FTCD: variants seen among roughly 807,000 people sequenced by gnomAD.
The protein encoded by FTCD is formimidoyltransferase-cyclodeaminase.
Under a neutral mutation model 62.9 loss-of-function variants are expected in FTCD, and 76 were observed. That is an observed-to-expected ratio of 1.21 (90% CI 1.00 to 1.46). The LOEUF (loss-of-function observed/expected upper bound fraction) is 1.46, where lower values mean the gene tolerates loss of function less well. Among genes scored for constraint, FTCD ranks in the 40% most tolerant of loss-of-function variants. FTCD has a pLI of 0.00. For synonymous variants in FTCD, 397 were observed against 336.9 expected, an observed-to-expected ratio of 1.18 and a Z score of -1.95; for missense variants, 845 against 751.3, an observed-to-expected ratio of 1.12 and a Z score of -1.46.
intron 1 of FTCD, among the ~76,000 whole-genome samples, chr21:46,154,559 A>G (rs1454857638): frequency 1.3e-5 from 2 of 152,202 alleles, no homozygotes; most frequent in African/African-American, 4.8e-5. Flanking sequence ...AGTCCCCACA[A>G]GGGGCTGCAG....
chr21:46,138,316 G>A (rs9653793), intron 12 of FTCD, among the ~76,000 whole-genome samples, 192 bp downstream of exon 12: 1,818 of 152,312 alleles, frequency 0.012, 50 homozygotes, highest in African/African-American at 0.041. Flanking sequence ...TGGTGCCGCC[G>A]TGAGCGAGAT....
chr21:46,151,792 C>T (rs1035646736), intron 4 of FTCD, 55 bp from the exon 5 acceptor site: 3 of 1,600,054 alleles, frequency 1.9e-6, no homozygotes, highest in Non-Finnish European at 2.6e-6. Context: ...GAACAGCCCC[C>T]CGGGGTCCCG....
chr21:46,138,743 G>T (rs1036750918), intron 11 of FTCD, 97 bp from the exon 12 acceptor site: 1 of 1,478,836 alleles, frequency 6.8e-7, no homozygotes, highest in Non-Finnish European at 9.4e-7. Context: ...TGCAGAAGCG[G>T]GCGATGGGAA....
intron 7 of FTCD, among the ~76,000 whole-genome samples, chr21:46,148,882 G>A (rs2079206825): frequency 6.6e-6 from 1 of 152,130 alleles, no homozygotes; most frequent in African/African-American, 2.4e-5. Context: ...ATTTGATTAT[G>A]GCCTGAGGAT....
At chr21:46,153,774 G>A (rs916121283) in intron 2 of FTCD, among the ~76,000 whole-genome samples, 4 of 152,168 alleles carry the variant, frequency 2.6e-5, no homozygotes, top group African/African-American at 9.7e-5. Context: ...CTGTTGACAG[G>A]TCAGCTTCCA....
At chr21:46,140,164 G>A (rs997560649) in intron 10 of FTCD, among the ~76,000 whole-genome samples, 9 of 151,778 alleles carry the variant, frequency 5.9e-5, no homozygotes, top group African/African-American at 1.9e-4. Flanking sequence ...AGCACTCCCC[G>A]TCCACCTTCA....
intron 2 of FTCD, 151 bp downstream of exon 2, chr21:46,153,998 A>G: frequency 2.5e-6 from 2 of 799,180 alleles, no homozygotes; most frequent in Non-Finnish European, 4.3e-6. Flanking sequence ...CCCACACTCC[A>G]GGGTCCTCCT....
At chr21:46,148,103 C>A (rs1254933593) in intron 7 of FTCD, among the ~76,000 whole-genome samples, 1 of 152,138 alleles carries the variant, frequency 6.6e-6, no homozygotes, top group South Asian at 2.1e-4. Flanking sequence ...TCTGGAATTT[C>A]AGTAATAAAC....
intron 2 of FTCD, among the ~76,000 whole-genome samples, 153 bp from the exon 3 acceptor site, chr21:46,153,188 G>T (rs1025369087): frequency 6.6e-6 from 1 of 152,142 alleles, no homozygotes; most frequent in African/African-American, 2.4e-5. Context: ...GGAGGAGGCC[G>T]GCCCTGGGCG....
chr21:46,140,730 T>C (rs1020156375), intron 10 of FTCD, among the ~76,000 whole-genome samples: 68 of 142,174 alleles, frequency 4.8e-4, no homozygotes, highest in Non-Finnish European at 7.4e-4. Flanking sequence ...GCCTTCACAT[T>C]GCTCACAGGG....
chr21:46,139,436 C>T (rs1267126905), intron 10 of FTCD, among the ~76,000 whole-genome samples: 1 of 151,694 alleles, frequency 6.6e-6, no homozygotes, highest in Non-Finnish European at 1.5e-5. Context: ...AGGCACTCGG[C>T]TCCTCGGACC....
rs1299958566 is a variant in FTCD, at chr21:46,145,359, C to A, written c.1260+58G>T. 4 of 1,442,220 alleles carry A rather than the reference C, an allele frequency of 2.8e-6. No individual in the cohort carries two copies. The Admixed American group carries it at 8.2e-5, about 30-fold the overall frequency. The allele number at this position is 1,442,220 out of a possible 1,614,324, so 89.3% of individuals were successfully genotyped here. On this transcript the variant is annotated intron_variant, in intron 10 of 13. Coordinates refer to ENST00000397746, the MANE Select transcript of FTCD (RefSeq NM_206965.2). ...GGCTGACCCGCTTCTCACTGGGGCCCCAGCTGGGGGTTCGCTGTTGGTGGG... is the reference window on the plus strand; with the variant it reads ...GGCTGACCCGCTTCTCACTGGGGCCACAGCTGGGGGTTCGCTGTTGGTGGG...
Position 46,154,189 on chromosome 21 carries a change from G to A in FTCD, c.198C>T (p.Ala66=), listed in dbSNP as rs1601356124. The A allele has an allele frequency of 6.2e-7, 1 of 1,612,856 alleles. No individual in the cohort carries two copies. The highest frequency in any genetic ancestry group is 1.1e-5 in the South Asian group (1 of 91,092). ...ECVVEGALNA[A]RVASRLIDMS... ...TGTCGATAAGTCGGGAAGCTACCCG[G>A]GCAGCGTTGAGGGCCCCCTCCACCA... Residue 66 remains alanine (A), a synonymous_variant, in exon 2 of 14, where the codon GCC becomes GCT. Coordinates refer to ENST00000397746, the MANE Select transcript of FTCD (RefSeq NM_206965.2).
chr21:46,142,834 G>C (rs2079051973), intron 10 of FTCD: 1 of 152,246 alleles, frequency 6.6e-6, no homozygotes, highest in Non-Finnish European at 1.5e-5. Context: ...CGTTTTTAAA[G>C]AGTGCTGATT....
At chr21:46,154,412 G>C (rs1308867582) in intron 1 of FTCD, 80 bp from the exon 2 acceptor site, 3 of 1,488,828 alleles carry the variant, frequency 2.0e-6, no homozygotes. Flanking sequence ...GCTGCACCCC[G>C]AGACACAAAT....
chr21:46,136,829 C>T lies in FTCD; in HGVS notation c.*158G>A. ...TCACATGGGACTAGGGGCCTTCTGT[C>T]CCTGCCAGCGCCTCCATTCCCAGGC... On this transcript the variant is annotated 3_prime_UTR_variant, in exon 14 of 14. Coordinates refer to ENST00000397746, the MANE Select transcript of FTCD (RefSeq NM_206965.2). 6.5e-7 allele frequency: 1 copy of T among 1,549,492 alleles called. No individual in the cohort carries two copies. Among genetic ancestry groups the T allele is most frequent in the South Asian group, 1.2e-5 (1 of 83,928 alleles).
intron 10 of FTCD, chr21:46,142,293 G>A (rs1031331875): frequency 6.6e-6 from 1 of 151,538 alleles, no homozygotes; most frequent in South Asian, 2.1e-4. Flanking sequence ...TACAGGTGGC[G>A]CGTCGGGAGC....
Position 46,151,931 on chromosome 21 carries a change from C to T in FTCD, c.417G>A (p.Pro139=), listed in dbSNP as rs61729391. The T allele has an allele frequency of 0.088, 138,530 of 1,571,930 alleles. 6,808 individuals carry two copies. The highest frequency in any genetic ancestry group is 0.17 in the South Asian group (15,034 of 86,252). The change falls in exon 4 of 14, where the codon CCG becomes CCA. Residue 139 remains proline, a synonymous_variant. Coordinates refer to ENST00000397746, the MANE Select transcript of FTCD (RefSeq NM_206965.2). ...CCTCGTACTCCCCGGCCCGGATGGC[C>T]GGCAGGGTCCGGCGACTGTCCATCC... The part of the protein sequence containing the change: ...AARMDSRRTL[P]AIRAGEYEAL...
chr21:46,141,308 T>A lies in FTCD; in HGVS notation c.1261-2385A>T, dbSNP rs1056007253. On this transcript the variant is annotated intron_variant, in intron 10 of 13. Coordinates refer to ENST00000397746, the MANE Select transcript of FTCD (RefSeq NM_206965.2). ...CTGCTACCACGCCTGGCTTTATTTT[T>A]TTTTTTTCTTTTTGGGTGGGTAAAT... 2.0e-4 allele frequency among the ~76,000 whole-genome samples: 30 copies of A among 152,012 alleles called. No individual in the cohort carries two copies. The East Asian group carries it at 4.6e-3, about 24-fold the overall frequency.
Sources: gnomAD v4.1 joint callset for allele counts (sites outside exome capture counted in the v4.1 genomes callset) on GRCh38, gnomAD v4.1.1 for gene constraint, MANE v1.5 for transcripts, NCBI Gene and HGNC (gene_info 2026-07-23, HGNC 2026-07-21) for gene names.